EXOC6B: variants seen among roughly 807,000 people sequenced by gnomAD.
EXOC6B encodes the protein exocyst complex component 6B.
A neutral mutation model predicts 113.5 loss-of-function variants in EXOC6B; 54 were observed. The observed-to-expected ratio is 0.48, with a 90% confidence interval of 0.38 to 0.60. EXOC6B has a LOEUF of 0.60. Among genes scored for constraint, EXOC6B ranks in the 20% least tolerant of loss-of-function variants. The probability of loss-of-function intolerance (pLI) is 0.00; values close to 1 mark genes in which losing one functional copy is unlikely to be tolerated. For missense variants in EXOC6B, 797 were observed against 977.5 expected (o/e 0.82, Z 2.46); for synonymous variants, 357 against 339.0 (o/e 1.05, Z -0.58).
intron 1 of EXOC6B, among the ~76,000 whole-genome samples, chr2:72,751,327 A>G (rs2104855295): frequency 6.6e-6 from 1 of 152,286 alleles, no homozygotes; most frequent in Admixed American, 6.5e-5. Context: ...TCCAGGTCAT[A>G]CGTAGATTTA....
At chr2:72,665,611 G>T (rs1248352682) in intron 6 of EXOC6B, among the ~76,000 whole-genome samples, 1 of 152,146 alleles carries the variant, frequency 6.6e-6, no homozygotes, top group East Asian at 1.9e-4. Context: ...AGCTTCATAA[G>T]CAGAGAAGTA....
intron 18 of EXOC6B, among the ~76,000 whole-genome samples, chr2:72,450,811 T>C (rs377141076): frequency 9.2e-5 from 14 of 152,186 alleles, no homozygotes; most frequent in African/African-American, 3.4e-4. Flanking sequence ...AAACTAACAT[T>C]AGAGCTAGAC....
chr2:72,631,996 T>C (rs932074208), intron 6 of EXOC6B, among the ~76,000 whole-genome samples: 2 of 151,902 alleles, frequency 1.3e-5, no homozygotes, highest in East Asian at 1.9e-4. Flanking sequence ...GGAAAACACA[T>C]ACAAACCATT....
In EXOC6B at chr2:72,176,103, C is replaced by T. The variant is rs576128016; in HGVS notation, c.*3232G>A. The T allele has an allele frequency of 7.2e-5, 11 of 152,274 alleles. No individual in the cohort carries two copies. Among genetic ancestry groups the T allele is most frequent in the Admixed American group, 3.3e-4 (5 of 15,302 alleles). 9.4% of individuals were successfully genotyped at this position (152,274 alleles called of 1,614,324 possible). A position where few individuals can be genotyped will look rare whatever the true frequency, so the allele number is the denominator to read the frequency against. On this transcript the variant is annotated 3_prime_UTR_variant, in exon 22 of 22. Transcript: ENST00000272427. ...GCTTTCCCCTAACCATGCGGCCCAT[C>T]TGTATCAGTAGCTTTACAAGTAAGT...
At chr2:72,815,928 G>A (rs559728383) in intron 1 of EXOC6B, among the ~76,000 whole-genome samples, 1 of 152,300 alleles carries the variant, frequency 6.6e-6, no homozygotes, top group East Asian at 1.9e-4. Flanking sequence ...GGAGGCCAAG[G>A]CGGTCGGATC....
At chr2:72,653,522 A>G (rs1674355748) in intron 6 of EXOC6B, among the ~76,000 whole-genome samples, 1 of 150,552 alleles carries the variant, frequency 6.6e-6, no homozygotes, top group Non-Finnish European at 1.5e-5. Flanking sequence ...TAACCTGCAC[A>G]TTGTGCACAT....
chr2:72,713,400 G>T (rs1446645933), intron 6 of EXOC6B, among the ~76,000 whole-genome samples: 1 of 151,954 alleles, frequency 6.6e-6, no homozygotes, highest in Non-Finnish European at 1.5e-5. Context: ...GATACAGGAG[G>T]AATATAAGAA....
At position 72,513,207 on chromosome 2, in the gene EXOC6B, T is replaced by C; in HGVS notation, c.1092A>G (p.Leu364=). ...GTTCATCAATGTAGGCTCTATTTAC[T>C]AAGCCCTGGGTTGTATGTAAAATGT... ...EDHILHTTQG[L]VNRAYIDELW... is the part of the protein sequence containing the mutation. Residue 364 remains leucine, a synonymous_variant, in exon 11 of 22, where the codon TTA becomes TTG. Transcript: ENST00000272427. 6.2e-7 allele frequency: 1 copy of C among 1,613,378 alleles called. No individual in the cohort carries two copies. The highest frequency in any genetic ancestry group is 8.5e-7 in the Non-Finnish European group (1 of 1,179,442).
At chr2:72,773,858 G>A (rs899245291) in intron 1 of EXOC6B, among the ~76,000 whole-genome samples, 3 of 151,876 alleles carry the variant, frequency 2.0e-5, no homozygotes, top group Non-Finnish European at 4.4e-5. Flanking sequence ...ACATGTAACT[G>A]GAAAACTAAA....
At chr2:72,493,607 C>T (rs1448393527) in intron 15 of EXOC6B, among the ~76,000 whole-genome samples, 1 of 151,710 alleles carries the variant, frequency 6.6e-6, no homozygotes, top group Non-Finnish European at 1.5e-5. Context: ...CAGGATCTCT[C>T]GCGTATGTAT....
intron 6 of EXOC6B, among the ~76,000 whole-genome samples, chr2:72,581,262 G>A (rs575752100): frequency 3.1e-4 from 47 of 152,256 alleles, no homozygotes; most frequent in African/African-American, 1.1e-3. Context: ...TATCAGGACT[G>A]GCTCTGGACT....
rs545258297 is a variant in EXOC6B at position 72,360,453 on chromosome 2, T to C, written c.2122+19276A>G. On this transcript the variant is annotated intron_variant, in intron 19 of 21. Coordinates refer to ENST00000272427, the MANE Select transcript of EXOC6B (RefSeq NM_015189.3). ...ATGGAAAGCCAACAGTCTGTGGAAC[T>C]TGGTAGCCAAGCTTATAATTAAGGT... 3.3e-5 allele frequency among the ~76,000 whole-genome samples: 5 copies of C among 151,640 alleles called. No homozygotes were observed. The South Asian group carries it at 1.0e-3, about 32-fold the overall frequency.
intron 6 of EXOC6B, among the ~76,000 whole-genome samples, chr2:72,622,615 T>G (rs1573504069): frequency 6.6e-6 from 1 of 151,792 alleles, no homozygotes; most frequent in African/African-American, 2.4e-5. Context: ...GAGGCTGAGG[T>G]GGGAGGATCA....
chr2:72,585,135 T>C (rs1407664635), intron 6 of EXOC6B, among the ~76,000 whole-genome samples: 1 of 151,708 alleles, frequency 6.6e-6, no homozygotes, highest in African/African-American at 2.4e-5. Flanking sequence ...CCAAAACTAC[T>C]AGAAGAAAAA....
intron 16 of EXOC6B, among the ~76,000 whole-genome samples, chr2:72,484,881 C>T (rs917754658): frequency 1.3e-5 from 2 of 152,164 alleles, no homozygotes; most frequent in African/African-American, 4.8e-5. Context: ...GACTTTGCTA[C>T]TGTAAATAGT....
At chr2:72,695,156 C>T (rs1370363349) in intron 6 of EXOC6B, among the ~76,000 whole-genome samples, 1 of 152,218 alleles carries the variant, frequency 6.6e-6, no homozygotes, top group African/African-American at 2.4e-5. Context: ...ATCTGTTAAT[C>T]TCTCTGGCTA....
chr2:72,596,922 A>G (rs1670107937), intron 6 of EXOC6B, among the ~76,000 whole-genome samples: 1 of 151,510 alleles, frequency 6.6e-6, no homozygotes, highest in South Asian at 2.1e-4. Flanking sequence ...TACTCATATT[A>G]AAATCCTATT....
chr2:72,812,494 G>A (rs1685977377), intron 1 of EXOC6B, among the ~76,000 whole-genome samples: 1 of 152,130 alleles, frequency 6.6e-6, no homozygotes, highest in Non-Finnish European at 1.5e-5. Context: ...CAAAATCTCA[G>A]CAGACTTTTT....
intron 18 of EXOC6B, among the ~76,000 whole-genome samples, chr2:72,395,695 AT>A (rs1200351138): frequency 6.6e-6 from 1 of 152,152 alleles, no homozygotes; most frequent in Non-Finnish European, 1.5e-5. Context: ...TTGGGTTCAT[AT>A]TAACTTAGGG....
Sources: gnomAD v4.1 joint callset for allele counts (sites outside exome capture counted in the v4.1 genomes callset) on GRCh38, gnomAD v4.1.1 for gene constraint, MANE v1.5 for transcripts, NCBI Gene and HGNC (gene_info 2026-07-23, HGNC 2026-07-21) for gene names.